The following PLEKHM1 variants were observed in gnomAD, a reference collection of about 807,000 sequenced individuals.
PLEKHM1 encodes pleckstrin homology and RUN domain containing M1.
PLEKHM1 carries 28 observed loss-of-function variants against 94.3 expected under a neutral mutation model. The ratio of observed to expected loss-of-function variants is 0.30; its 90% CI spans 0.22 to 0.41. PLEKHM1 has a LOEUF of 0.41. Ranked by LOEUF, PLEKHM1 falls within the 10% of genes least tolerant of loss-of-function variation. The probability of loss-of-function intolerance (pLI) is 1.00; values close to 1 mark genes in which losing one functional copy is unlikely to be tolerated. For missense variants in PLEKHM1, 907 were observed against 1,358.6 expected (o/e 0.67, Z 5.22); for synonymous variants, 424 against 581.2 (o/e 0.73, Z 3.89).
chr17:45,463,467 A>G (rs2051217799), intron 5 of PLEKHM1, among the ~76,000 whole-genome samples: 1 of 151,472 alleles, frequency 6.6e-6, no homozygotes, highest in African/African-American at 2.4e-5. Context: ...ATCTCGGCTC[A>G]CTGCAACATT....
intron 1 of PLEKHM1, among the ~76,000 whole-genome samples, chr17:45,486,443 G>A (rs750300464): frequency 5.9e-5 from 9 of 151,268 alleles, no homozygotes; most frequent in South Asian, 4.2e-4. Flanking sequence ...TTAGCCGGGC[G>A]GGCACCTGTA....
intron 5 of PLEKHM1, among the ~76,000 whole-genome samples, chr17:45,465,632 C>T (rs1409487200): frequency 6.6e-6 from 1 of 152,150 alleles, no homozygotes; most frequent in East Asian, 1.9e-4. Flanking sequence ...ATCAGTTGAA[C>T]TTAGGAGGCG....
Position 45,440,218 on chromosome 17 carries a change from T to C in PLEKHM1, c.2846A>G (p.His949Arg), listed in dbSNP as rs771103278. The change falls in exon 10 of 12, where the codon CAC becomes CGC. Residue 949 changes from histidine to arginine, a missense_variant. His to Arg is a conservative substitution (Grantham distance 29). Around this residue, in one of 3 missense-constraint regions of PLEKHM1, gnomAD observed 254 missense variants for 451.1 expected, o/e 0.56. Transcript: ENST00000430334. ...CGGAGATTCCAAGAGATAATTCCTG[T>C]GGTTGAGCCTTCAAACAAAACACAA... Reference protein sequence around the residue: ...ALKELSKRLNHRNYLLESPHR... With the variant: ...ALKELSKRLNRRNYLLESPHR... 1.1e-5 allele frequency: 18 copies of C among 1,613,968 alleles called. No homozygotes were observed. Among genetic ancestry groups the C allele is most frequent in the Non-Finnish European group, 4.2e-6 (5 of 1,179,940 alleles).
intron 4 of PLEKHM1, among the ~76,000 whole-genome samples, chr17:45,471,665 A>C (rs1382588618): frequency 1.3e-5 from 2 of 152,218 alleles, no homozygotes; most frequent in Non-Finnish European, 2.9e-5. Context: ...CTGAGGCAGG[A>C]GAATCGCATG....
Position 45,437,882 on chromosome 17 carries a change from G to T in PLEKHM1, c.3147C>A (p.Tyr1049Ter), listed in dbSNP as rs2050317070. The change falls in exon 12 of 12, where the codon TAC (tyrosine) becomes TAA (stop). Residue 1049 changes from tyrosine (Y) to a stop codon, truncating the protein, a stop_gained. Transcript: ENST00000430334. LOFTEE classifies it high-confidence loss of function. The surrounding 1 kb of genome is among the most constrained non-coding windows in gnomAD (Gnocchi z 4.0). ...ATCAGGCGAAAATGTTCTGTTCCTG[G>T]TACTTGCGCCGGCGGGCACAGCGGG... ...GCPRCARRRK[Y>*]QEQNIFA The T allele has an allele frequency of 1.2e-6, 2 of 1,613,936 alleles. No homozygotes were observed. The highest frequency in any genetic ancestry group is 1.7e-6 in the Non-Finnish European group (2 of 1,179,954).
intron 5 of PLEKHM1, among the ~76,000 whole-genome samples, chr17:45,463,505 AC>A (rs1449957507): frequency 6.6e-6 from 1 of 152,136 alleles, no homozygotes; most frequent in African/African-American, 2.4e-5. Context: ...TGATTCTCCT[AC>A]CTCAGCCTCC....
chr17:45,486,090 G>A (rs1245039547), intron 1 of PLEKHM1, among the ~76,000 whole-genome samples: 8 of 145,046 alleles, frequency 5.5e-5, no homozygotes, highest in African/African-American at 1.0e-4. Context: ...AGTGGTGAGC[G>A]CCTGTAGTCC....
chr17:45,478,017 T>C lies in PLEKHM1; in HGVS notation c.179A>G (p.His60Arg). 1 of 1,614,218 alleles carries C rather than the reference T, an allele frequency of 6.2e-7. No individual in the cohort carries two copies. The highest frequency in any genetic ancestry group is 8.5e-7 in the Non-Finnish European group (1 of 1,180,038). ...MCSALEAVFI[H>R]GLHAKHIRAE... is the part of the protein sequence containing the mutation. ...TCGGATGTGCTTGGCGTGCAGGCCA[T>C]GGATAAATACGGCCTCCAGGGCGCT... The change falls in exon 3 of 12, where the codon CAT becomes CGT. Residue 60 changes from histidine (H) to arginine (R), a missense_variant. By Grantham distance (29) the His-to-Arg change is conservative. Transcript: ENST00000430334.
At chr17:45,451,057 G>C (rs550017647) in intron 7 of PLEKHM1, among the ~76,000 whole-genome samples, 1 of 149,752 alleles carries the variant, frequency 6.7e-6, no homozygotes, top group East Asian at 2.0e-4. Context: ...TCAGATCTGG[G>C]TTTGGCTGGT....
intron 1 of PLEKHM1, among the ~76,000 whole-genome samples, chr17:45,488,233 T>C (rs62065444): frequency 0.13 from 20,030 of 151,796 alleles, 1,612 homozygotes; most frequent in Middle Eastern, 0.21. Context: ...CACCCAGCTT[T>C]CCTGTATTCT....
chr17:45,440,401 A>G (rs1452292978), intron 9 of PLEKHM1, 175 bp from the exon 10 acceptor site: 4 of 683,534 alleles, frequency 5.9e-6, no homozygotes, highest in Admixed American at 2.1e-5. Flanking sequence ...TCTTCAACGT[A>G]ACTAACTAGC....
At chr17:45,480,963 C>CTA (rs2051934124) in intron 2 of PLEKHM1, among the ~76,000 whole-genome samples, 2 of 152,164 alleles carry the variant, frequency 1.3e-5, no homozygotes, top group Admixed American at 1.3e-4. Context: ...ACACATAACC[C>CTA]TATGTTTAAC....
chr17:45,487,892 G>A (rs1360874491), intron 1 of PLEKHM1: 6 of 444,388 alleles, frequency 1.4e-5, no homozygotes, highest in Non-Finnish European at 2.7e-5. Flanking sequence ...CTGGCTTTAA[G>A]CCATCCAACT....
intron 5 of PLEKHM1, among the ~76,000 whole-genome samples, chr17:45,467,211 C>T (rs559177807): frequency 1.5e-3 from 221 of 152,330 alleles, no homozygotes; most frequent in African/African-American, 4.7e-3. Flanking sequence ...TCTCCCAAAG[C>T]GCTGGGGTTA....
At chr17:45,487,897 C>G in intron 1 of PLEKHM1, 1 of 438,336 alleles carries the variant, frequency 2.3e-6, no homozygotes, top group East Asian at 7.1e-5. Context: ...TTTAAGCCAT[C>G]CAACTGCTGT....
chr17:45,439,773 C>G, intron 10 of PLEKHM1, 139 bp from the exon 11 acceptor site: 1 of 1,133,860 alleles, frequency 8.8e-7, no homozygotes, highest in Non-Finnish European at 1.3e-6. Flanking sequence ...CCCCCCGTTT[C>G]CACACGGGCA....
rs563829395 is a variant in PLEKHM1 at position 45,454,397 on chromosome 17, A to G, written c.1580-125T>C. On this transcript the variant is annotated intron_variant, in intron 6 of 11. Transcript: ENST00000430334. Reference sequence around the variant, plus strand: ...AGTGACTGTCCCCAGAACACAGGCCAGCCACGGGGCACTATCACATGGGAC... The same window carrying G: ...AGTGACTGTCCCCAGAACACAGGCCGGCCACGGGGCACTATCACATGGGAC... 306 of 840,060 alleles carry G rather than the reference A, an allele frequency of 3.6e-4. 1 individual carries two copies. In the African/African-American group the frequency reaches 4.5e-3, roughly 12 times the overall value. 52.0% of individuals were successfully genotyped at this position (840,060 alleles called of 1,614,324 possible).
intron 3 of PLEKHM1, chr17:45,477,528 A>T: frequency 2.8e-6 from 1 of 351,038 alleles, no homozygotes. Context: ...GTAAAGGGCC[A>T]GATAGTATAT....
At chr17:45,487,131 G>A (rs555501297) in intron 1 of PLEKHM1, among the ~76,000 whole-genome samples, 91 of 152,332 alleles carry the variant, frequency 6.0e-4, no homozygotes, top group African/African-American at 2.0e-3. Flanking sequence ...GGGGAAAGGT[G>A]ACTGGTGCCA....
Sources: gnomAD v4.1 joint callset for allele counts (sites outside exome capture counted in the v4.1 genomes callset) on GRCh38, gnomAD v4.1.1 for gene constraint, gnomAD v4.1.1 regional missense constraint, Gnocchi (gnomAD v3.1) non-coding constraint, MANE v1.5 for transcripts, NCBI Gene and HGNC (gene_info 2026-07-23, HGNC 2026-07-21) for gene names.